CDKAL1: variants seen among roughly 807,000 people sequenced by gnomAD.
The protein encoded by CDKAL1 is CDKAL1 threonylcarbamoyladenosine tRNA methylthiotransferase.
In CDKAL1, 32 loss-of-function variants were observed where a neutral mutation model predicts 68.2. The observed-to-expected ratio is 0.47, with a 90% confidence interval of 0.35 to 0.63. The LOEUF is 0.63. Among genes scored for constraint, CDKAL1 ranks in the 30% least tolerant of loss-of-function variants. The pLI, the probability that CDKAL1 is intolerant of heterozygous loss-of-function variation, is 0.00. For synonymous variants in CDKAL1, 234 were observed against 244.3 expected (o/e 0.96, Z 0.39); for missense variants, 606 against 696.7 (o/e 0.87, Z 1.47).
intron 8 of CDKAL1, among the ~76,000 whole-genome samples, chr6:20,791,444 C>T (rs1380937914): frequency 6.6e-6 from 1 of 152,042 alleles, no homozygotes. Context: ...TTTCAATAAA[C>T]CATAACGTCA....
chr6:20,588,211 G>A (rs1765454427), intron 4 of CDKAL1, among the ~76,000 whole-genome samples: 1 of 152,192 alleles, frequency 6.6e-6, no homozygotes, highest in Admixed American at 6.5e-5. Flanking sequence ...GATAATTAAG[G>A]CTGATCCTTG....
At chr6:21,078,891 G>A (rs1443734940) in intron 12 of CDKAL1, among the ~76,000 whole-genome samples, 1 of 152,102 alleles carries the variant, frequency 6.6e-6, no homozygotes, top group Non-Finnish European at 1.5e-5. Context: ...AACTGGTTTT[G>A]AGAAATGTGG....
At chr6:21,206,994 C>T (rs1202096109) in intron 15 of CDKAL1, among the ~76,000 whole-genome samples, 1 of 151,656 alleles carries the variant, frequency 6.6e-6, no homozygotes, top group African/African-American at 2.4e-5. Context: ...CTCACTGCCA[C>T]CTTCGCCTCC....
chr6:20,925,837 C>A (rs144682941), intron 9 of CDKAL1, among the ~76,000 whole-genome samples: 8 of 152,208 alleles, frequency 5.3e-5, no homozygotes, highest in African/African-American at 1.9e-4. Context: ...ACACTATTAT[C>A]AATTTTGTTC....
At chr6:20,725,358 T>C (rs773639293) in intron 5 of CDKAL1, among the ~76,000 whole-genome samples, 2 of 152,266 alleles carry the variant, frequency 1.3e-5, no homozygotes, top group African/African-American at 2.4e-5. Flanking sequence ...TTTACCTTGC[T>C]TAACAAGAAG....
chr6:20,697,747 A>G (rs765176715), intron 5 of CDKAL1, among the ~76,000 whole-genome samples: 5 of 152,162 alleles, frequency 3.3e-5, no homozygotes, highest in African/African-American at 1.2e-4. Flanking sequence ...GTCATTCATA[A>G]TGGTTAGTTT....
intron 2 of CDKAL1, among the ~76,000 whole-genome samples, chr6:20,541,714 G>A (rs1763394748): frequency 6.6e-6 from 1 of 152,014 alleles, no homozygotes; most frequent in African/African-American, 2.4e-5. Context: ...AGGCTGGAGT[G>A]CAATGGCGCG....
intron 13 of CDKAL1, among the ~76,000 whole-genome samples, chr6:21,185,647 G>A (rs928390553): frequency 6.6e-6 from 1 of 152,142 alleles, no homozygotes; most frequent in Non-Finnish European, 1.5e-5. Flanking sequence ...ATGTGTGTGT[G>A]CGTGCCTGTG....
chr6:20,835,555 C>CT (rs1193301389), intron 8 of CDKAL1, among the ~76,000 whole-genome samples: 14 of 149,992 alleles, frequency 9.3e-5, no homozygotes, highest in East Asian at 5.9e-4. Context: ...TGTCTCTTTT[C>CT]TTTTTTTTTG....
chr6:21,036,010 G>A (rs1046489544), intron 11 of CDKAL1, among the ~76,000 whole-genome samples: 3 of 152,166 alleles, frequency 2.0e-5, no homozygotes, highest in African/African-American at 7.2e-5. Flanking sequence ...TTTCCTTTGC[G>A]CTTGCATCAA....
chr6:20,984,252 C>T (rs186101671), intron 10 of CDKAL1, among the ~76,000 whole-genome samples: 1 of 152,308 alleles, frequency 6.6e-6, no homozygotes, highest in Admixed American at 6.5e-5. Flanking sequence ...AACTAGCCAG[C>T]CACTTCAGTG....
chr6:20,541,671 T>G (rs1341176931), intron 2 of CDKAL1, among the ~76,000 whole-genome samples: 2 of 152,098 alleles, frequency 1.3e-5, no homozygotes, highest in Non-Finnish European at 1.5e-5. Flanking sequence ...CAGTCTTTTT[T>G]TTTTTTGAGA....
rs71540611 is a variant in CDKAL1 at position 21,072,554 on chromosome 6, CAAAAAAAAAAAAA to C, written c.1236+7340_1236+7352del. On this transcript the variant is annotated intron_variant, in intron 12 of 15. Coordinates refer to ENST00000274695, the MANE Select transcript of CDKAL1 (RefSeq NM_017774.3). Reference sequence around the variant, plus strand: ...TGGGCGACTGAGCGAGACTCCGTCTCAAAAAAAAAAAAAAAAAAAAAAAAAAGCCTGTTTTTGT... The same window carrying C: ...TGGGCGACTGAGCGAGACTCCGTCTCAAAAAAAAAAAAAGCCTGTTTTTGT... Among the ~76,000 whole-genome samples, 6 of 44,484 alleles carry C rather than the reference CAAAAAAAAAAAAA, an allele frequency of 1.3e-4. No homozygotes were observed. The South Asian group carries it at 5.8e-3, about 43-fold the overall frequency. 29.2% of individuals were successfully genotyped at this position (44,484 alleles called of 152,430 possible). A position where few individuals can be genotyped will look rare whatever the true frequency, so the allele number is the denominator to read the frequency against.
chr6:21,073,836 ATTTAT>A (rs948775623), intron 12 of CDKAL1, among the ~76,000 whole-genome samples: 12 of 151,192 alleles, frequency 7.9e-5, no homozygotes, highest in African/African-American at 2.7e-4. Context: ...ATTTTTGTTT[ATTTAT>A]TTTGTTTATT....
chr6:21,024,943 C>T (rs1768879744), intron 11 of CDKAL1, among the ~76,000 whole-genome samples: 2 of 152,146 alleles, frequency 1.3e-5, no homozygotes, highest in African/African-American at 2.4e-5. Context: ...TGATGGACCC[C>T]ACATCTTTCA....
chr6:21,085,820 G>A (rs942235521), intron 12 of CDKAL1, among the ~76,000 whole-genome samples: 1 of 152,156 alleles, frequency 6.6e-6, no homozygotes, highest in East Asian at 1.9e-4. Context: ...AAGGAGTGAC[G>A]CAATCTAAGC....
At chr6:21,068,498 T>G (rs754169134) in intron 12 of CDKAL1, among the ~76,000 whole-genome samples, 1 of 152,172 alleles carries the variant, frequency 6.6e-6, no homozygotes, top group Non-Finnish European at 1.5e-5. Context: ...ATCATTCTTG[T>G]CTCACTCGCC....
At chr6:20,639,811 C>T (rs1421357400) in intron 4 of CDKAL1, among the ~76,000 whole-genome samples, 2 of 152,170 alleles carry the variant, frequency 1.3e-5, no homozygotes, top group East Asian at 1.9e-4. Context: ...GCTGGGATTA[C>T]AGGCATGTGC....
rs115635644 is a variant in CDKAL1, at chr6:20,812,290, T to C, written c.638+31025T>C. On this transcript the variant is annotated intron_variant, in intron 8 of 15. Coordinates refer to ENST00000274695, the MANE Select transcript of CDKAL1 (RefSeq NM_017774.3). ...GTTTTAATTTTTAACCATGAATCAT[T>C]ATGCACTTGGGGGATTTTCTTTAGA... Among the ~76,000 whole-genome samples, 757 of 152,290 alleles carry C rather than the reference T, an allele frequency of 5.0e-3. 6 individuals are homozygous for C. The highest frequency in any genetic ancestry group is 0.017 in the African/African-American group (697 of 41,562).
Sources: gnomAD v4.1 joint callset for allele counts (sites outside exome capture counted in the v4.1 genomes callset) on GRCh38, gnomAD v4.1.1 for gene constraint, MANE v1.5 for transcripts, NCBI Gene and HGNC (gene_info 2026-07-23, HGNC 2026-07-21) for gene names.